OR4D1: variants seen among roughly 807,000 people sequenced by gnomAD.
OR4D1 encodes the protein olfactory receptor 4D1.
OR4D1 carries 10 observed loss-of-function variants against 14.2 expected under a neutral mutation model. The observed-to-expected ratio is 0.71, with a 90% confidence interval of 0.44 to 1.20. The LOEUF (loss-of-function observed/expected upper bound fraction) is 1.20. Among genes scored for constraint, OR4D1 ranks in the 50% most tolerant of loss-of-function variants. OR4D1 has a pLI of 0.00. For missense variants in OR4D1, 345 were observed against 376.6 expected (o/e 0.92, Z 0.70); for synonymous variants, 141 against 147.4 (o/e 0.96, Z 0.32).
Position 58,156,403 on chromosome 17 carries a change from C to G in OR4D1, c.*317C>G, listed in dbSNP as rs1967774571. ...CAGCTGGGATTACAGGCACCCACCA[C>G]CACGCCCGGCTAATTTTTGTATTCT... On this transcript the variant is annotated 3_prime_UTR_variant, in exon 4 of 4. Transcript: ENST00000268912. 4.2e-6 allele frequency: 1 copy of G among 236,468 alleles called. No individual in the cohort carries two copies. The highest frequency in any genetic ancestry group is 2.3e-5 in the African/African-American group (1 of 43,378). 14.6% of individuals were successfully genotyped at this position (236,468 alleles called of 1,614,324 possible).
chr17:58,151,046 C>T lies in OR4D1; in HGVS notation c.-127+1250C>T, dbSNP rs565104221. 7.9e-5 allele frequency among the ~76,000 whole-genome samples: 12 copies of T among 152,154 alleles called. No homozygotes were observed. In the South Asian group the frequency reaches 2.5e-3, roughly 32 times the overall value. On this transcript the variant is annotated intron_variant, in intron 2 of 3. Coordinates refer to ENST00000268912, the MANE Select transcript of OR4D1 (RefSeq NM_001386095.1). ...AAGAGAAAATATATGTTCCATCAAT[C>T]CCATCAACCAGAGATAACCACTATT...
Position 58,156,652 on chromosome 17 carries a change from T to G in OR4D1, c.*566T>G. On this transcript the variant is annotated 3_prime_UTR_variant, in exon 4 of 4. Coordinates refer to ENST00000268912, the MANE Select transcript of OR4D1 (RefSeq NM_001386095.1). ...ACAAATGAGAAAACGCAGAGAGAAG[T>G]GACTTGCTCAAAGGTGAACAGTAAG... The G allele has an allele frequency of 6.1e-6, 1 of 163,400 alleles. No individual in the cohort carries two copies. The highest frequency in any genetic ancestry group is 5.9e-5 in the Admixed American group (1 of 16,918). 10.1% of individuals were successfully genotyped at this position (163,400 alleles called of 1,614,324 possible). A position where few individuals can be genotyped will look rare whatever the true frequency, so the allele number is the denominator to read the frequency against.
At chr17:58,150,309 G>A (rs534858461) in intron 2 of OR4D1, among the ~76,000 whole-genome samples, 85 of 152,304 alleles carry the variant, frequency 5.6e-4, no homozygotes, top group Non-Finnish European at 9.6e-4. Flanking sequence ...GGAAGATGTT[G>A]TTGAAGAAGT....
Position 58,157,579 on chromosome 17 carries a change from A to G in OR4D1, c.*1493A>G. 6.2e-7 allele frequency: 1 copy of G among 1,602,712 alleles called. No homozygotes were observed. Among genetic ancestry groups the G allele is most frequent in the Non-Finnish European group, 8.5e-7 (1 of 1,169,790 alleles). The stretch of plus-strand genomic sequence containing the variant: ...AGGTCAAAATCTTGTTCCAGAACCG[A>G]AGGGCCAAGACGAAAAGACTGCAGG... On this transcript the variant is annotated 3_prime_UTR_variant, in exon 4 of 4. Coordinates refer to ENST00000268912, the MANE Select transcript of OR4D1 (RefSeq NM_001386095.1).
chr17:58,157,727 C>A lies in OR4D1; in HGVS notation c.*1641C>A. 1.2e-6 allele frequency: 2 copies of A among 1,613,758 alleles called. No individual in the cohort carries two copies. Among genetic ancestry groups the A allele is most frequent in the Non-Finnish European group, 1.7e-6 (2 of 1,179,800 alleles). ...CATATACGCAGCATCCTACCCGTTCCATAGACCTGTGCTTCCCATCCCGCC... is the reference window on the plus strand; with the variant it reads ...CATATACGCAGCATCCTACCCGTTCAATAGACCTGTGCTTCCCATCCCGCC... On this transcript the variant is annotated 3_prime_UTR_variant, in exon 4 of 4. Coordinates refer to ENST00000268912, the MANE Select transcript of OR4D1 (RefSeq NM_001386095.1).
In OR4D1 at chr17:58,156,309, GGT is replaced by G; in HGVS notation, c.*225_*226del. ...TCTGTCACCCAGGCTGGAGTGCAGT[GGT>G]GCAGTCTAGGCTCACTGCAACCTCC... On this transcript the variant is annotated 3_prime_UTR_variant, in exon 4 of 4. Coordinates refer to ENST00000268912, the MANE Select transcript of OR4D1 (RefSeq NM_001386095.1). 2 of 485,712 alleles carry G rather than the reference GGT, an allele frequency of 4.1e-6. No homozygotes were observed. The highest frequency in any genetic ancestry group is 7.3e-6 in the Non-Finnish European group (2 of 273,902). 30.1% of individuals were successfully genotyped at this position (485,712 alleles called of 1,614,324 possible).
At chr17:58,152,161 C>T (rs1027617580) in intron 2 of OR4D1, among the ~76,000 whole-genome samples, 13 of 152,146 alleles carry the variant, frequency 8.5e-5, no homozygotes, top group Admixed American at 3.9e-4. Context: ...CTTGCCACCA[C>T]GCCTAGCTAA....
chr17:58,150,687 G>A (rs1350971494), intron 2 of OR4D1, among the ~76,000 whole-genome samples: 3 of 152,168 alleles, frequency 2.0e-5, no homozygotes, highest in Non-Finnish European at 4.4e-5. Flanking sequence ...TGGTTATGAG[G>A]AGGGGAGGAA....
chr17:58,157,001 A>T lies in OR4D1; in HGVS notation c.*915A>T. Reference sequence around the variant, plus strand: ...CTAGCGGAGTCGCGCGTCGGGAGCTACGTAGGGCAGGGAAGGCATGGCTTC... The same window carrying T: ...CTAGCGGAGTCGCGCGTCGGGAGCTTCGTAGGGCAGGGAAGGCATGGCTTC... On this transcript the variant is annotated 3_prime_UTR_variant, in exon 4 of 4. Transcript: ENST00000268912. 2 of 830,258 alleles carry T rather than the reference A, an allele frequency of 2.4e-6. No homozygotes were observed. Among genetic ancestry groups the T allele is most frequent in the Non-Finnish European group, 3.9e-6 (2 of 508,632 alleles). The allele number at this position is 830,258 out of a possible 1,614,324, so 51.4% of individuals were successfully genotyped here.
intron 3 of OR4D1, 111 bp from the exon 4 acceptor site, chr17:58,155,024 G>T: frequency 1.4e-6 from 1 of 729,192 alleles, no homozygotes; most frequent in African/African-American, 1.8e-5. Flanking sequence ...GCTACATCTC[G>T]GATTGACACT....
intron 3 of OR4D1, among the ~76,000 whole-genome samples, 166 bp from the exon 4 acceptor site, chr17:58,154,969 C>T (rs1395980175): frequency 3.3e-5 from 5 of 152,324 alleles, no homozygotes; most frequent in Non-Finnish European, 2.9e-5. Context: ...TCTCTGGAAC[C>T]CTTGAAAACA....
At chr17:58,153,678 G>C (rs981881305) in intron 2 of OR4D1, among the ~76,000 whole-genome samples, 179 bp from the exon 3 acceptor site, 1 of 152,116 alleles carries the variant, frequency 6.6e-6, no homozygotes, top group Admixed American at 6.5e-5. Context: ...GTACAGGATG[G>C]GGCCTTGGGA....
At chr17:58,150,610 T>C (rs1472797316) in intron 2 of OR4D1, among the ~76,000 whole-genome samples, 4 of 152,152 alleles carry the variant, frequency 2.6e-5, no homozygotes, top group African/African-American at 9.7e-5. Context: ...CAGTGCCAGA[T>C]GGAGCTGAAA....
At chr17:58,152,361 A>G (rs1967713484) in intron 2 of OR4D1, among the ~76,000 whole-genome samples, 1 of 152,220 alleles carries the variant, frequency 6.6e-6, no homozygotes, top group Non-Finnish European at 1.5e-5. Context: ...AGTTCATTCA[A>G]AGTAAAAATA....
Position 58,157,062 on chromosome 17 carries a change from G to A in OR4D1, c.*976G>A. 2 of 1,343,172 alleles carry A rather than the reference G, an allele frequency of 1.5e-6. No homozygotes were observed. The highest frequency in any genetic ancestry group is 2.0e-6 in the Non-Finnish European group (2 of 989,766). The allele number at this position is 1,343,172 out of a possible 1,614,324, so 83.2% of individuals were successfully genotyped here. A position where few individuals can be genotyped will look rare whatever the true frequency, so the allele number is the denominator to read the frequency against. ...CAATGAGAAGGGGCCAGCGGTGGCG[G>A]TCGGGCCAGGTCCGGGGCCTGGGGA... On this transcript the variant is annotated 3_prime_UTR_variant, in exon 4 of 4. Transcript: ENST00000268912.
chr17:58,157,869 A>G lies in OR4D1; in HGVS notation c.*1783A>G, dbSNP rs542023766. On this transcript the variant is annotated 3_prime_UTR_variant, in exon 4 of 4. Transcript: ENST00000268912. ...TCAAAGGGTTTCCTCTCCCTCTCCAAGAAGGCAGGACCAGCCAATACTCCT... is the reference window on the plus strand; with the variant it reads ...TCAAAGGGTTTCCTCTCCCTCTCCAGGAAGGCAGGACCAGCCAATACTCCT... The G allele has an allele frequency of 2.0e-6, 3 of 1,483,398 alleles. No homozygotes were observed. The highest frequency in any genetic ancestry group is 4.5e-5 in the East Asian group (2 of 44,208). 91.9% of individuals were successfully genotyped at this position (1,483,398 alleles called of 1,614,324 possible).
chr17:58,157,150 C>T lies in OR4D1; in HGVS notation c.*1064C>T. The T allele has an allele frequency of 2.7e-6, 4 of 1,460,004 alleles. No individual in the cohort carries two copies. The highest frequency in any genetic ancestry group is 3.6e-6 in the Non-Finnish European group (4 of 1,101,028). 90.4% of individuals were successfully genotyped at this position (1,460,004 alleles called of 1,614,324 possible). A position where few individuals can be genotyped will look rare whatever the true frequency, so the allele number is the denominator to read the frequency against. On this transcript the variant is annotated 3_prime_UTR_variant, in exon 4 of 4. Coordinates refer to ENST00000268912, the MANE Select transcript of OR4D1 (RefSeq NM_001386095.1). ...TCCAGCCTGCCCTACAGTGTGGATG[C>T]GCTCGTGTCGGACAAGAAGCCGCCC...
chr17:58,151,565 C>T (rs1967705541), intron 2 of OR4D1, among the ~76,000 whole-genome samples: 1 of 152,210 alleles, frequency 6.6e-6, no homozygotes, highest in Non-Finnish European at 1.5e-5. Flanking sequence ...TGGCTTCCAG[C>T]TCCAACCAGG....
Position 58,157,011 on chromosome 17 carries a change from G to A in OR4D1, c.*925G>A. 1 of 890,474 alleles carries A rather than the reference G, an allele frequency of 1.1e-6. No homozygotes were observed. Among genetic ancestry groups the A allele is most frequent in the Admixed American group, 2.0e-5 (1 of 49,208 alleles). The allele number at this position is 890,474 out of a possible 1,614,324, so 55.2% of individuals were successfully genotyped here. A position where few individuals can be genotyped will look rare whatever the true frequency, so the allele number is the denominator to read the frequency against. ...CGCGCGTCGGGAGCTACGTAGGGCA[G>A]GGAAGGCATGGCTTCTGTTTTCGTC... On this transcript the variant is annotated 3_prime_UTR_variant, in exon 4 of 4. Coordinates refer to ENST00000268912, the MANE Select transcript of OR4D1 (RefSeq NM_001386095.1).
Sources: allele counts gnomAD v4.1 joint callset (sites outside exome capture counted in the v4.1 genomes callset), GRCh38; gene constraint gnomAD v4.1.1; transcripts MANE v1.5; gene names NCBI Gene and HGNC (gene_info 2026-07-23, HGNC 2026-07-21).